Variants in SLC9B1 observed in about 807,000 individuals in gnomAD.
SLC9B1 encodes sodium/hydrogen exchanger 9B1.
A neutral mutation model predicts 51.7 loss-of-function variants in SLC9B1; 32 were observed. The observed-to-expected ratio is 0.62, with a 90% CI of 0.47 to 0.83. SLC9B1 has a LOEUF of 0.83. SLC9B1 is among the 40% of genes least tolerant of loss of function. The pLI is 0.00. For synonymous variants in SLC9B1, 145 were observed against 212.7 expected, an observed-to-expected ratio of 0.68 and a Z score of 2.77; for missense variants, 406 against 613.2, an observed-to-expected ratio of 0.66 and a Z score of 3.57.
rs1740562011 is a variant in SLC9B1 at position 103,002,229 on chromosome 4, C to T, written c.-1-10517G>A. Among the ~76,000 whole-genome samples the T allele has an allele frequency of 2.0e-5, 3 of 152,284 alleles. No homozygotes were observed. The South Asian group carries it at 6.2e-4, about 32-fold the overall frequency. Reference sequence around the variant, plus strand: ...TCAGGCATACCTTACCATTTCCTAACTTGGTTTATTTCTACTGTCCATACT... The same window carrying T: ...TCAGGCATACCTTACCATTTCCTAATTTGGTTTATTTCTACTGTCCATACT... On this transcript the variant is annotated intron_variant, in intron 1 of 11. Coordinates refer to ENST00000296422, the MANE Select transcript of SLC9B1 (RefSeq NM_139173.4).
chr4:102,985,490 T>C (rs1237089184), intron 3 of SLC9B1, among the ~76,000 whole-genome samples: 1 of 152,122 alleles, frequency 6.6e-6, no homozygotes, highest in Non-Finnish European at 1.5e-5. Flanking sequence ...AATGGTTGCC[T>C]GAGAGCTTAC....
chr4:102,975,749 A>G (rs1739038864), intron 3 of SLC9B1, among the ~76,000 whole-genome samples: 1 of 151,112 alleles, frequency 6.6e-6, no homozygotes, highest in Non-Finnish European at 1.5e-5. Context: ...TGTATTTTTT[A>G]GTAGAGATGG....
intron 11 of SLC9B1, among the ~76,000 whole-genome samples, chr4:102,885,852 T>C (rs756170214): frequency 6.6e-6 from 1 of 152,232 alleles, no homozygotes; most frequent in Non-Finnish European, 1.5e-5. Context: ...ACATCCACAT[T>C]ACATATCTTT....
intron 3 of SLC9B1, among the ~76,000 whole-genome samples, chr4:102,965,371 G>C (rs1416349843): frequency 6.6e-6 from 1 of 152,082 alleles, no homozygotes; most frequent in Non-Finnish European, 1.5e-5. Flanking sequence ...TGTGCCAAGA[G>C]GCCAAACACA....
chr4:102,919,870 G>A (rs1735777587), intron 7 of SLC9B1, among the ~76,000 whole-genome samples: 1 of 152,234 alleles, frequency 6.6e-6, no homozygotes, highest in Non-Finnish European at 1.5e-5. Flanking sequence ...GTCCACCATT[G>A]CTGAGGCTTA....
At chr4:102,935,100 G>T (rs1031322655) in intron 6 of SLC9B1, among the ~76,000 whole-genome samples, 3 of 151,816 alleles carry the variant, frequency 2.0e-5, no homozygotes, top group African/African-American at 7.3e-5. Flanking sequence ...AGTGATATTT[G>T]CAATACATAT....
At chr4:102,936,435 G>C (rs1443055818) in intron 6 of SLC9B1, among the ~76,000 whole-genome samples, 5 of 152,130 alleles carry the variant, frequency 3.3e-5, no homozygotes, top group African/African-American at 1.2e-4. Context: ...ATAGAATTCA[G>C]AATCTGGATA....
intron 3 of SLC9B1, among the ~76,000 whole-genome samples, chr4:102,958,044 T>C (rs1296760432): frequency 6.6e-6 from 1 of 152,200 alleles, no homozygotes; most frequent in Non-Finnish European, 1.5e-5. Context: ...GGCTAGGAGT[T>C]TGAGACTAGC....
At chr4:102,929,941 A>G (rs1736370999) in intron 7 of SLC9B1, among the ~76,000 whole-genome samples, 2 of 152,264 alleles carry the variant, frequency 1.3e-5, no homozygotes, top group African/African-American at 4.8e-5. Context: ...CTGAATGGTA[A>G]AAAGAGTGAG....
chr4:102,891,289 C>T (rs868180771), intron 11 of SLC9B1: 5 of 152,136 alleles, frequency 3.3e-5, no homozygotes, highest in African/African-American at 1.2e-4. Context: ...CTGATTTCTG[C>T]TTCTTAACAA....
intron 1 of SLC9B1, among the ~76,000 whole-genome samples, chr4:103,016,324 T>C (rs1184963752): frequency 1.3e-5 from 2 of 152,084 alleles, no homozygotes; most frequent in African/African-American, 4.8e-5. Flanking sequence ...AGTCTAAATA[T>C]GCTTAAGTGT....
chr4:102,916,833 A>G (rs756377423), intron 7 of SLC9B1, among the ~76,000 whole-genome samples: 3 of 152,220 alleles, frequency 2.0e-5, no homozygotes, highest in East Asian at 1.9e-4. Flanking sequence ...CTGTTAACCA[A>G]TTGGCCTGTA....
At chr4:102,925,236 G>A (rs546039173) in intron 7 of SLC9B1, among the ~76,000 whole-genome samples, 1 of 152,136 alleles carries the variant, frequency 6.6e-6, no homozygotes, top group Non-Finnish European at 1.5e-5. Flanking sequence ...TAAAAAGGAT[G>A]AGTTCCTGTC....
chr4:103,012,435 C>A (rs1741129948), intron 1 of SLC9B1, among the ~76,000 whole-genome samples: 1 of 152,216 alleles, frequency 6.6e-6, no homozygotes, highest in African/African-American at 2.4e-5. Flanking sequence ...AACATGAAGG[C>A]TCTTTATACA....
chr4:103,013,442 TTAAA>T (rs1312433712), intron 1 of SLC9B1, among the ~76,000 whole-genome samples: 1 of 152,202 alleles, frequency 6.6e-6, no homozygotes, highest in African/African-American at 2.4e-5. Context: ...TATTCATCCT[TTAAA>T]TATTGGGCTT....
At chr4:102,898,352 A>G, downstream of SLC9B1, 1 of 270,250 alleles carries the variant, frequency 3.7e-6, no homozygotes, top group Non-Finnish European at 7.2e-6. Context: ...ATAAATTTAA[A>G]AAGGAAACTT....
intron 3 of SLC9B1, among the ~76,000 whole-genome samples, chr4:102,974,994 CTTTTA>C (rs935588769): frequency 2.6e-5 from 4 of 152,008 alleles, no homozygotes; most frequent in African/African-American, 9.7e-5. Context: ...GCCCAAGCAG[CTTTTA>C]TTTTATTTTA....
chr4:102,887,242 A>G, intron 11 of SLC9B1: 1 of 719,472 alleles, frequency 1.4e-6, no homozygotes, highest in South Asian at 1.6e-5. Context: ...GATTTTTTTT[A>G]GCAAGTGATA....
At position 102,926,691 on chromosome 4, in the gene SLC9B1, C is replaced by T. The variant is rs567970116; in HGVS notation, c.829+5433G>A. 3.3e-5 allele frequency among the ~76,000 whole-genome samples: 5 copies of T among 152,126 alleles called. No individual in the cohort carries two copies. The South Asian group carries it at 8.3e-4, about 25-fold the overall frequency. On this transcript the variant is annotated intron_variant, in intron 7 of 11. Coordinates refer to ENST00000296422, the MANE Select transcript of SLC9B1 (RefSeq NM_139173.4). ...TACTGCCCGAAGTAATTTATAGATT[C>T]AATACTATCCCCATCAAGCTACTAA...
Sources: allele counts gnomAD v4.1 joint callset (sites outside exome capture counted in the v4.1 genomes callset), GRCh38; gene constraint gnomAD v4.1.1; transcripts MANE v1.5; gene names NCBI Gene and HGNC (gene_info 2026-07-23, HGNC 2026-07-21).